The following KCNA1 variants were observed in gnomAD, a reference collection of about 807,000 sequenced individuals.
KCNA1 encodes potassium channel, voltage gated shaker related subfamily A, member 1.
Under a neutral mutation model 28.8 loss-of-function variants are expected in KCNA1, and 19 were observed. That is an observed-to-expected ratio of 0.66 (90% CI 0.46 to 0.97). KCNA1 has a LOEUF of 0.97. KCNA1 is among the 50% of genes least tolerant of loss of function. The probability of loss-of-function intolerance (pLI) is 0.00; values close to 1 mark genes in which losing one functional copy is unlikely to be tolerated. For synonymous variants in KCNA1, 311 were observed against 268.8 expected, an observed-to-expected ratio of 1.16 and a Z score of -1.53; for missense variants, 419 against 659.7, an observed-to-expected ratio of 0.64 and a Z score of 4.00.
In KCNA1 at chr12:4,913,065, A is replaced by T; in HGVS notation, c.*199A>T. On this transcript the variant is annotated 3_prime_UTR_variant, in exon 2 of 2. Coordinates refer to ENST00000382545, the MANE Select transcript of KCNA1 (RefSeq NM_000217.3). ...ACCAGAAGCTTTCAAGATCCATGAC[A>T]AAATAAACTATTTTCCTTTTATTAA... The T allele has an allele frequency of 3.3e-6, 2 of 613,452 alleles. No individual in the cohort carries two copies. The highest frequency in any genetic ancestry group is 5.9e-6 in the Non-Finnish European group (2 of 338,982). 38.0% of individuals were successfully genotyped at this position (613,452 alleles called of 1,614,324 possible).
rs1259136788 is a variant in KCNA1 at position 4,913,534 on chromosome 12, A to T, written c.*668A>T. The T allele has an allele frequency of 6.0e-6, 1 of 167,402 alleles. No homozygotes were observed. Among genetic ancestry groups the T allele is most frequent in the African/African-American group, 2.4e-5 (1 of 41,456 alleles). 10.4% of individuals were successfully genotyped at this position (167,402 alleles called of 1,614,324 possible). ...TGGGCCCATTCTCTTTCTAATCCAGATTATTCTCTAAGAAAAAGTTAACTG... is the reference window on the plus strand; with the variant it reads ...TGGGCCCATTCTCTTTCTAATCCAGTTTATTCTCTAAGAAAAAGTTAACTG... On this transcript the variant is annotated 3_prime_UTR_variant, in exon 2 of 2. Coordinates refer to ENST00000382545, the MANE Select transcript of KCNA1 (RefSeq NM_000217.3).
rs953253014 is a variant in KCNA1, at chr12:4,915,941, G to A, written c.*3075G>A. 1 of 167,198 alleles carries A rather than the reference G, an allele frequency of 6.0e-6. No homozygotes were observed. Among genetic ancestry groups the A allele is most frequent in the East Asian group, 1.9e-4 (1 of 5,200 alleles). 10.4% of individuals were successfully genotyped at this position (167,198 alleles called of 1,614,324 possible). A position where few individuals can be genotyped will look rare whatever the true frequency, so the allele number is the denominator to read the frequency against. On this transcript the variant is annotated 3_prime_UTR_variant, in exon 2 of 2. Transcript: ENST00000382545. ...TGAACCTGTCAGTCTGGGACTGGGGGTGAGTTGTTGTTATGAGTTTGGGGT... is the reference window on the plus strand; with the variant it reads ...TGAACCTGTCAGTCTGGGACTGGGGATGAGTTGTTGTTATGAGTTTGGGGT...
chr12:4,912,975 G>GTA lies in KCNA1; in HGVS notation c.*110_*111dup. ...TCACGCTTTGTAGATACTTTACTAA[G>GTA]TAGACTTGGAATGCTCTATTTAACT... On this transcript the variant is annotated 3_prime_UTR_variant, in exon 2 of 2. Transcript: ENST00000382545. 1 of 825,906 alleles carries GTA rather than the reference G, an allele frequency of 1.2e-6. No homozygotes were observed. The allele number at this position is 825,906 out of a possible 1,614,324, so 51.2% of individuals were successfully genotyped here.
chr12:4,912,539 C>A lies in KCNA1; in HGVS notation c.1161C>A (p.Ile387=), dbSNP rs1468855091. The change falls in exon 2 of 2, where the codon ATC becomes ATA. Residue 387 remains isoleucine (I), a synonymous_variant. Transcript: ENST00000382545. ...ACCCTGTGACAATTGGAGGCAAGAT[C>A]GTGGGCTCCTTGTGTGCCATCGCTG... ...DMYPVTIGGK[I]VGSLCAIAGV... 6.2e-7 allele frequency: 1 copy of A among 1,613,912 alleles called. No homozygotes were observed. The highest frequency in any genetic ancestry group is 1.1e-5 in the South Asian group (1 of 91,058).
In KCNA1 at chr12:4,913,941, A is replaced by C. The variant is rs1459764859; in HGVS notation, c.*1075A>C. On this transcript the variant is annotated 3_prime_UTR_variant, in exon 2 of 2. Transcript: ENST00000382545. The stretch of plus-strand genomic sequence containing the variant: ...ATATGTTAGTCAGATGGGAACAATA[A>C]CTTTTTGGAGCTCAAAGCATGTTCT... The C allele has an allele frequency of 6.0e-6, 1 of 167,094 alleles. No individual in the cohort carries two copies. Among genetic ancestry groups the C allele is most frequent in the Non-Finnish European group, 1.5e-5 (1 of 68,126 alleles). The allele number at this position is 167,094 out of a possible 1,614,324, so 10.4% of individuals were successfully genotyped here. A position where few individuals can be genotyped will look rare whatever the true frequency, so the allele number is the denominator to read the frequency against.
chr12:4,910,962 C>T lies in KCNA1; in HGVS notation c.-417C>T, dbSNP rs935657764. 3.9e-5 allele frequency: 9 copies of T among 233,726 alleles called. No individual in the cohort carries two copies. Among genetic ancestry groups the T allele is most frequent in the Admixed American group, 5.2e-5 (1 of 19,106 alleles). The allele number at this position is 233,726 out of a possible 1,614,324, so 14.5% of individuals were successfully genotyped here. A position where few individuals can be genotyped will look rare whatever the true frequency, so the allele number is the denominator to read the frequency against. On this transcript the variant is annotated 5_prime_UTR_variant, in exon 2 of 2. Coordinates refer to ENST00000382545, the MANE Select transcript of KCNA1 (RefSeq NM_000217.3). This position sits in a 1 kb window ranked among gnomAD's most constrained non-coding sequence, Gnocchi z 4.9. ...GGGATCTGCCGAGCCGGCACTGCAC[C>T]GGGTCCTAGGAAGGCTCTCGGAGGG... is the stretch of plus-strand genomic sequence containing the variant.
In KCNA1 at chr12:4,917,529, G is replaced by A. The variant is rs186319441; in HGVS notation, c.*4663G>A. ...ATTAAATGCCAGCCTCTTTGCTCAGGCAAAATGACCCTGGGCTTTCTTGGG... is the reference window on the plus strand; with the variant it reads ...ATTAAATGCCAGCCTCTTTGCTCAGACAAAATGACCCTGGGCTTTCTTGGG... On this transcript the variant is annotated 3_prime_UTR_variant, in exon 2 of 2. Coordinates refer to ENST00000382545, the MANE Select transcript of KCNA1 (RefSeq NM_000217.3). The A allele has an allele frequency of 7.7e-4, 129 of 167,174 alleles. 3 individuals are homozygous for A. In the South Asian group the frequency reaches 0.018, roughly 24 times the overall value. The allele number at this position is 167,174 out of a possible 1,614,324, so 10.4% of individuals were successfully genotyped here.
In KCNA1 at chr12:4,911,104, C is replaced by G. The variant is rs538396272; in HGVS notation, c.-275C>G. The G allele has an allele frequency of 3.5e-6, 2 of 569,620 alleles. No homozygotes were observed. The highest frequency in any genetic ancestry group is 1.9e-5 in the African/African-American group (1 of 53,174). The allele number at this position is 569,620 out of a possible 1,614,324, so 35.3% of individuals were successfully genotyped here. ...ACAACAACAACAGAAAACCAACAAACCCCCAAACCCAAACCCAACCCTCTG... is the reference window on the plus strand; with the variant it reads ...ACAACAACAACAGAAAACCAACAAAGCCCCAAACCCAAACCCAACCCTCTG... On this transcript the variant is annotated 5_prime_UTR_variant, in exon 2 of 2. Transcript: ENST00000382545. The surrounding 1 kb of genome is among the most constrained non-coding windows in gnomAD (Gnocchi z 6.6).
Position 4,911,332 on chromosome 12 carries a change from AC to A in KCNA1, c.-43del. 1 of 1,426,186 alleles carries A rather than the reference AC, an allele frequency of 7.0e-7. No homozygotes were observed. Among genetic ancestry groups the A allele is most frequent in the Non-Finnish European group, 9.4e-7 (1 of 1,063,972 alleles). The allele number at this position is 1,426,186 out of a possible 1,614,324, so 88.3% of individuals were successfully genotyped here. ...CACCCCTGGTCCCTGGCTGCTTCCC[AC>A]CCCGGGCTCTCTCCTGGCCTCCCAC... On this transcript the variant is annotated 5_prime_UTR_variant, in exon 2 of 2. Transcript: ENST00000382545. The surrounding 1 kb of genome is among the most constrained non-coding windows in gnomAD (Gnocchi z 6.6).
chr12:4,912,670 G>C lies in KCNA1; in HGVS notation c.1292G>C (p.Ser431Thr), dbSNP rs1241721668. The C allele has an allele frequency of 1.9e-6, 3 of 1,612,306 alleles. No individual in the cohort carries two copies. The African/African-American group carries it at 4.0e-5, about 22-fold the overall frequency. Reference sequence around the variant, plus strand: ...GAGCAGGCTCAGTTGCTCCACGTCAGTTCCCCTAACTTAGCCTCTGACAGT... The same window carrying C: ...GAGCAGGCTCAGTTGCTCCACGTCACTTCCCCTAACTTAGCCTCTGACAGT... Reference protein sequence around the residue: ...GEEQAQLLHVSSPNLASDSDL... With the variant: ...GEEQAQLLHVTSPNLASDSDL... The change falls in exon 2 of 2, where the codon AGT becomes ACT. Residue 431 changes from serine (S) to threonine (T), a missense_variant. Transcript: ENST00000382545.
chr12:4,914,188 A>G lies in KCNA1; in HGVS notation c.*1322A>G, dbSNP rs1591628543. The G allele has an allele frequency of 1.2e-5, 2 of 167,086 alleles. No individual in the cohort carries two copies. The highest frequency in any genetic ancestry group is 3.8e-4 in the East Asian group (2 of 5,198). 10.4% of individuals were successfully genotyped at this position (167,086 alleles called of 1,614,324 possible). A position where few individuals can be genotyped will look rare whatever the true frequency, so the allele number is the denominator to read the frequency against. On this transcript the variant is annotated 3_prime_UTR_variant, in exon 2 of 2. Transcript: ENST00000382545. ...GCAGGTATAGGCGGAGAGAGGACCAATATGCCCATCCCTTAAAGGGAAGCC... is the reference window on the plus strand; with the variant it reads ...GCAGGTATAGGCGGAGAGAGGACCAGTATGCCCATCCCTTAAAGGGAAGCC...
At position 4,911,300 on chromosome 12, in the gene KCNA1, T is replaced by C; in HGVS notation, c.-79T>C. 1.8e-6 allele frequency: 2 copies of C among 1,138,948 alleles called. No individual in the cohort carries two copies. Among genetic ancestry groups the C allele is most frequent in the Non-Finnish European group, 2.5e-6 (2 of 787,198 alleles). The allele number at this position is 1,138,948 out of a possible 1,614,324, so 70.6% of individuals were successfully genotyped here. A position where few individuals can be genotyped will look rare whatever the true frequency, so the allele number is the denominator to read the frequency against. ...CGCTCCGGTGGGGGGGCCGCTTGGGTCCCCCCCACCCCTGGTCCCTGGCTG... is the reference window on the plus strand; with the variant it reads ...CGCTCCGGTGGGGGGGCCGCTTGGGCCCCCCCCACCCCTGGTCCCTGGCTG... On this transcript the variant is annotated 5_prime_UTR_variant, in exon 2 of 2. Transcript: ENST00000382545. This position sits in a 1 kb window ranked among gnomAD's most constrained non-coding sequence, Gnocchi z 6.6.
chr12:4,911,284 G>A lies in KCNA1; in HGVS notation c.-95G>A, dbSNP rs28388577. 6.5e-6 allele frequency: 6 copies of A among 923,644 alleles called. No homozygotes were observed. In the East Asian group the frequency reaches 1.0e-4, roughly 16 times the overall value. The allele number at this position is 923,644 out of a possible 1,614,324, so 57.2% of individuals were successfully genotyped here. A position where few individuals can be genotyped will look rare whatever the true frequency, so the allele number is the denominator to read the frequency against. On this transcript the variant is annotated 5_prime_UTR_variant, in exon 2 of 2. Coordinates refer to ENST00000382545, the MANE Select transcript of KCNA1 (RefSeq NM_000217.3). The surrounding 1 kb of genome is among the most constrained non-coding windows in gnomAD (Gnocchi z 6.6). ...GCGTGAGGGAGACGCGCGCTCCGGT[G>A]GGGGGGCCGCTTGGGTCCCCCCCAC...
Position 4,912,455 on chromosome 12 carries a change from C to T in KCNA1, c.1077C>T (p.Ile359=). The part of the protein sequence containing the change: ...AEEAESHFSS[I]PDAFWWAVVS... Reference sequence around the variant, plus strand: ...AAGCTGAGTCGCACTTCTCCAGTATCCCCGATGCTTTCTGGTGGGCGGTGG... The same window carrying T: ...AAGCTGAGTCGCACTTCTCCAGTATTCCCGATGCTTTCTGGTGGGCGGTGG... The change falls in exon 2 of 2, where the codon ATC becomes ATT. Residue 359 remains isoleucine (I), a synonymous_variant. Transcript: ENST00000382545. 1 of 1,613,930 alleles carries T rather than the reference C, an allele frequency of 6.2e-7. No individual in the cohort carries two copies. Among genetic ancestry groups the T allele is most frequent in the South Asian group, 1.1e-5 (1 of 91,052 alleles).
Position 4,916,979 on chromosome 12 carries a change from AATTCTTAGTTTGGTAG to A in KCNA1, c.*4117_*4132del, listed in dbSNP as rs1789386434. 6.0e-6 allele frequency: 1 copy of A among 167,076 alleles called. No homozygotes were observed. Among genetic ancestry groups the A allele is most frequent in the Non-Finnish European group, 1.5e-5 (1 of 68,122 alleles). 10.3% of individuals were successfully genotyped at this position (167,076 alleles called of 1,614,324 possible). ...ATGCTTTTTAACAATTTTACATTTT[AATTCTTAGTTTGGTAG>A]ATTGGATTGAAAGAAAGGAGAAAGA... is the stretch of plus-strand genomic sequence containing the variant. On this transcript the variant is annotated 3_prime_UTR_variant, in exon 2 of 2. Coordinates refer to ENST00000382545, the MANE Select transcript of KCNA1 (RefSeq NM_000217.3).
Position 4,912,050 on chromosome 12 carries a change from G to A in KCNA1, c.672G>A (p.Val224=). Residue 224 remains valine (V), a synonymous_variant, in exon 2 of 2, where the codon GTG becomes GTA. Transcript: ENST00000382545. ...TCTTCACAGACCCCTTCTTCATCGT[G>A]GAAACGCTGTGTATCATCTGGTTCT... The part of the protein sequence containing the change: ...SNIFTDPFFI[V]ETLCIIWFSF... 2 of 1,614,102 alleles carry A rather than the reference G, an allele frequency of 1.2e-6. No homozygotes were observed. The highest frequency in any genetic ancestry group is 3.3e-5 in the Admixed American group (2 of 60,014).
In KCNA1 at chr12:4,911,603, C is replaced by A. The variant is rs1321006862; in HGVS notation, c.225C>A (p.Pro75=). ...AGAAACGCATGCGCTACTTCGACCC[C>A]CTGAGGAACGAGTACTTCTTCGACC... ...NPKKRMRYFD[P]LRNEYFFDRN... The change falls in exon 2 of 2, where the codon CCC becomes CCA. Residue 75 remains proline, a synonymous_variant. Coordinates refer to ENST00000382545, the MANE Select transcript of KCNA1 (RefSeq NM_000217.3). The surrounding 1 kb of genome is among the most constrained non-coding windows in gnomAD (Gnocchi z 6.6). The A allele has an allele frequency of 6.2e-7, 1 of 1,614,162 alleles. No homozygotes were observed. The highest frequency in any genetic ancestry group is 2.2e-5 in the East Asian group (1 of 44,872).
chr12:4,911,131 A>G lies in KCNA1; in HGVS notation c.-248A>G, dbSNP rs1421821464. The G allele has an allele frequency of 1.7e-5, 10 of 592,526 alleles. No individual in the cohort carries two copies. The African/African-American group carries it at 1.9e-4, about 11-fold the overall frequency. 36.7% of individuals were successfully genotyped at this position (592,526 alleles called of 1,614,324 possible). A position where few individuals can be genotyped will look rare whatever the true frequency, so the allele number is the denominator to read the frequency against. On this transcript the variant is annotated 5_prime_UTR_variant, in exon 2 of 2. Transcript: ENST00000382545. The surrounding 1 kb of genome is among the most constrained non-coding windows in gnomAD (Gnocchi z 6.6). ...CCCAAACCCAAACCCAACCCTCTGC[A>G]AAAAGCTGCACCCGGCCCGCAGGCG... is the stretch of plus-strand genomic sequence containing the variant.
At position 4,913,317 on chromosome 12, in the gene KCNA1, T is replaced by G. The variant is rs1047758636; in HGVS notation, c.*451T>G. 1 of 241,112 alleles carries G rather than the reference T, an allele frequency of 4.1e-6. No individual in the cohort carries two copies. Among genetic ancestry groups the G allele is most frequent in the Admixed American group, 5.3e-5 (1 of 18,984 alleles). The allele number at this position is 241,112 out of a possible 1,614,324, so 14.9% of individuals were successfully genotyped here. A position where few individuals can be genotyped will look rare whatever the true frequency, so the allele number is the denominator to read the frequency against. On this transcript the variant is annotated 3_prime_UTR_variant, in exon 2 of 2. Coordinates refer to ENST00000382545, the MANE Select transcript of KCNA1 (RefSeq NM_000217.3). ...CATCTTTGCAAACTGCGTAGCACATTGAAGACAGTGCATCAGATGTATTAT... is the reference window on the plus strand; with the variant it reads ...CATCTTTGCAAACTGCGTAGCACATGGAAGACAGTGCATCAGATGTATTAT...
Sources: allele counts gnomAD v4.1 joint callset, GRCh38; gene constraint gnomAD v4.1.1; non-coding constraint Gnocchi (gnomAD v3.1); transcripts MANE v1.5; gene names NCBI Gene and HGNC (gene_info 2026-07-23, HGNC 2026-07-21).